The following PAPPA2 variants were observed in gnomAD, a reference collection of about 807,000 sequenced individuals.
PAPPA2 encodes the protein pappalysin 2.
A neutral mutation model predicts 176.4 loss-of-function variants in PAPPA2; 86 were observed. That is an observed-to-expected ratio of 0.49 (90% CI 0.41 to 0.58). The LOEUF (loss-of-function observed/expected upper bound fraction) is 0.58. Ranked by LOEUF, PAPPA2 falls within the 20% of genes least tolerant of loss-of-function variation. The pLI is 0.00. For missense variants in PAPPA2, 2,073 were observed against 2,256.9 expected, an observed-to-expected ratio of 0.92 and a Z score of 1.65; for synonymous variants, 809 against 852.2, an observed-to-expected ratio of 0.95 and a Z score of 0.88.
intron 21 of PAPPA2, among the ~76,000 whole-genome samples, chr1:176,804,332 C>T (rs951981606): frequency 9.9e-5 from 15 of 152,150 alleles, no homozygotes; most frequent in African/African-American, 3.4e-4. Flanking sequence ...CACCACTTCT[C>T]ACATTAGGGG....
intron 3 of PAPPA2, among the ~76,000 whole-genome samples, chr1:176,610,099 C>T (rs1476533951): frequency 2.0e-5 from 3 of 152,232 alleles, no homozygotes; most frequent in Admixed American, 1.3e-4. Context: ...CCTCAGAGGC[C>T]TCTTTCCTAT....
chr1:176,553,197 G>A (rs1558431479), intron 1 of PAPPA2, among the ~76,000 whole-genome samples: 1 of 149,220 alleles, frequency 6.7e-6, no homozygotes, highest in Non-Finnish European at 1.5e-5. Flanking sequence ...ATGTCAAACA[G>A]ATGGGATCAT....
chr1:176,761,653 G>T (rs1006026403), intron 14 of PAPPA2, among the ~76,000 whole-genome samples: 3 of 152,222 alleles, frequency 2.0e-5, no homozygotes, highest in Non-Finnish European at 4.4e-5. Context: ...TGGGAAGAAA[G>T]CAACAGGAAA....
intron 3 of PAPPA2, among the ~76,000 whole-genome samples, chr1:176,662,744 G>C (rs1658428218): frequency 6.6e-6 from 1 of 151,830 alleles, no homozygotes; most frequent in Non-Finnish European, 1.5e-5. Context: ...TGATTTTTAA[G>C]TTTTCTATCC....
chr1:176,705,621 A>G (rs1660848805), intron 9 of PAPPA2, among the ~76,000 whole-genome samples: 1 of 152,228 alleles, frequency 6.6e-6, no homozygotes, highest in East Asian at 1.9e-4. Context: ...GTTTCCATGA[A>G]TTACTTTATG....
chr1:176,646,543 T>C (rs1657408062), intron 3 of PAPPA2, among the ~76,000 whole-genome samples: 2 of 150,230 alleles, frequency 1.3e-5, no homozygotes, highest in Non-Finnish European at 3.0e-5. Flanking sequence ...ACATGAACCA[T>C]CCCCCCACCT....
intron 14 of PAPPA2, among the ~76,000 whole-genome samples, chr1:176,741,064 A>G (rs540730816): frequency 4.6e-5 from 7 of 152,276 alleles, no homozygotes; most frequent in African/African-American, 1.7e-4. Context: ...AGTAGAGAGT[A>G]CTGGTGTACT....
At chr1:176,496,001 A>G (rs1053149701) in intron 1 of PAPPA2, among the ~76,000 whole-genome samples, 10 of 152,220 alleles carry the variant, frequency 6.6e-5, no homozygotes, top group African/African-American at 1.9e-4. Flanking sequence ...TACACTGACT[A>G]TTCAACTAAT....
chr1:176,521,742 G>A (rs1217788436), intron 1 of PAPPA2, among the ~76,000 whole-genome samples: 1 of 152,158 alleles, frequency 6.6e-6, no homozygotes, highest in Admixed American at 6.5e-5. Context: ...ACAAGGGAAG[G>A]GGGGAAAGTG....
chr1:176,829,602 A>G (rs548954478), intron 21 of PAPPA2, among the ~76,000 whole-genome samples: 1 of 152,328 alleles, frequency 6.6e-6, no homozygotes, highest in East Asian at 1.9e-4. Context: ...CAAAGTCCAA[A>G]CAGGACCTAA....
intron 3 of PAPPA2, among the ~76,000 whole-genome samples, chr1:176,667,036 A>G (rs1442987593): frequency 6.6e-6 from 1 of 152,164 alleles, no homozygotes; most frequent in Non-Finnish European, 1.5e-5. Flanking sequence ...ATCTGAGGTC[A>G]GGAGTTCAAG....
intron 17 of PAPPA2, 109 bp downstream of exon 17, chr1:176,771,289 A>T: frequency 9.1e-7 from 1 of 1,096,634 alleles, no homozygotes; most frequent in Non-Finnish European, 1.3e-6. Flanking sequence ...TCCAGTCATG[A>T]CAGGCAGGCA....
intron 17 of PAPPA2, among the ~76,000 whole-genome samples, chr1:176,789,250 C>T (rs1665071316): frequency 1.3e-5 from 2 of 152,158 alleles, no homozygotes; most frequent in Admixed American, 1.3e-4. Flanking sequence ...ATGTCCTTTG[C>T]AGGGGCATGG....
chr1:176,494,890 C>T (rs1031870265), intron 1 of PAPPA2, among the ~76,000 whole-genome samples: 3 of 152,208 alleles, frequency 2.0e-5, no homozygotes. Context: ...GATTATGGGT[C>T]AGCTCCCCTT....
chr1:176,819,254 T>A (rs1666557101), intron 21 of PAPPA2, among the ~76,000 whole-genome samples: 1 of 152,078 alleles, frequency 6.6e-6, no homozygotes, highest in Admixed American at 6.6e-5. Context: ...TTGAGAAGAG[T>A]AAAGTTGGCA....
At chr1:176,838,694 A>G (rs1337065414) in intron 21 of PAPPA2, among the ~76,000 whole-genome samples, 3 of 152,258 alleles carry the variant, frequency 2.0e-5, no homozygotes, top group Non-Finnish European at 4.4e-5. Flanking sequence ...TGGTTCCAGC[A>G]TTAAAGACAA....
chr1:176,508,806 C>A (rs1648442680), intron 1 of PAPPA2, among the ~76,000 whole-genome samples: 1 of 152,050 alleles, frequency 6.6e-6, no homozygotes, highest in South Asian at 2.1e-4. Context: ...TGTCCCCCTT[C>A]ACCCTCTCCC....
chr1:176,757,861 A>T (rs909890933), intron 14 of PAPPA2, among the ~76,000 whole-genome samples: 1 of 152,184 alleles, frequency 6.6e-6, no homozygotes, highest in Non-Finnish European at 1.5e-5. Flanking sequence ...TCTTTAATCC[A>T]TCTACAGACA....
intron 1 of PAPPA2, among the ~76,000 whole-genome samples, chr1:176,495,537 CAA>C (rs537075802): frequency 2.9e-4 from 20 of 69,854 alleles, no homozygotes; most frequent in Non-Finnish European, 3.2e-4. Context: ...AACTCTGTTT[CAA>C]AAAAAAAAAA....
Sources: allele counts gnomAD v4.1 joint callset (sites outside exome capture counted in the v4.1 genomes callset), GRCh38; gene constraint gnomAD v4.1.1; transcripts MANE v1.5; gene names NCBI Gene and HGNC (gene_info 2026-07-23, HGNC 2026-07-21).